The following FBXO5 variants were observed in gnomAD, a reference collection of about 807,000 sequenced individuals.
The protein encoded by FBXO5 is F-box only protein 5.
In FBXO5, 8 loss-of-function variants were observed where a neutral mutation model predicts 43.3. The observed-to-expected ratio is 0.18, with a 90% confidence interval of 0.11 to 0.33. FBXO5 has a LOEUF of 0.33. FBXO5 is among the 10% of genes least tolerant of loss of function. The pLI, the probability that FBXO5 is intolerant of heterozygous loss-of-function variation, is 1.00. For synonymous variants in FBXO5, 204 were observed against 193.7 expected (o/e 1.05, Z -0.44); for missense variants, 491 against 535.7 (o/e 0.92, Z 0.82).
At position 152,972,296 on chromosome 6, in the gene FBXO5, A is replaced by G. The variant is rs536160701; in HGVS notation, c.1068T>C (p.Tyr356=). The G allele has an allele frequency of 8.1e-6, 13 of 1,611,386 alleles. No individual in the cohort carries two copies. Among genetic ancestry groups the G allele is most frequent in the South Asian group, 5.5e-5 (5 of 90,658 alleles). Residue 356 remains tyrosine, a synonymous_variant, in exon 4 of 5, where the codon TAT becomes TAC. Transcript: ENST00000229758. ...CCTCAGAGAATTCATTGTGTCGACTATAAGTAGAACCTTTCTGATCACCTT... is the reference window on the plus strand; with the variant it reads ...CCTCAGAGAATTCATTGTGTCGACTGTAAGTAGAACCTTTCTGATCACCTT... ...SNQGDQKGST[Y]SRHNEFSEVA...
At chr6:152,983,164 C>T (rs1178855975), upstream of FBXO5, 5 of 399,790 alleles carry the variant, frequency 1.3e-5, no homozygotes, top group African/African-American at 8.3e-5. Flanking sequence ...TGGGGGCGCC[C>T]TCGTCCGCGC....
intron 3 of FBXO5, 70 bp downstream of exon 3, chr6:152,972,974 CTT>C: frequency 1.6e-6 from 2 of 1,256,308 alleles, no homozygotes. Context: ...CAGATTACCT[CTT>C]TTCTTTTCTA....
Position 152,971,114 on chromosome 6 carries a change from C to G in FBXO5, c.*49G>C. On this transcript the variant is annotated 3_prime_UTR_variant, in exon 5 of 5. Coordinates refer to ENST00000229758, the MANE Select transcript of FBXO5 (RefSeq NM_012177.5). ...CAATTTTTTTTAAGTTAAAACCTAA[C>G]ATTTTCTAACTAACATTCATGATCA... is the stretch of plus-strand genomic sequence containing the variant. 2.0e-6 allele frequency: 3 copies of G among 1,520,004 alleles called. No homozygotes were observed. The highest frequency in any genetic ancestry group is 1.8e-6 in the Non-Finnish European group (2 of 1,133,162). The allele number at this position is 1,520,004 out of a possible 1,614,324, so 94.2% of individuals were successfully genotyped here.
In FBXO5 at chr6:152,975,243, T is replaced by A; in HGVS notation, c.482A>T (p.Glu161Val). The A allele has an allele frequency of 6.2e-7, 1 of 1,614,124 alleles. No homozygotes were observed. The highest frequency in any genetic ancestry group is 8.5e-7 in the Non-Finnish European group (1 of 1,180,006). ...SLQSGLSEHE[E>V]GSLLEENFGD... ...GAAATTCTCCTCCAGGAGGCTACCT[T>A]CTTCATGTTCACTGAGGCCACTTTG... Residue 161 changes from glutamate (E) to valine (V), a missense_variant, in exon 2 of 5, where the codon GAA becomes GTA. Glu to Val is a moderately radical substitution (Grantham distance 121, BLOSUM62 -2). Coordinates refer to ENST00000229758, the MANE Select transcript of FBXO5 (RefSeq NM_012177.5).
intron 1 of FBXO5, among the ~76,000 whole-genome samples, chr6:152,979,094 T>C (rs1320504893): frequency 2.0e-5 from 3 of 152,240 alleles, no homozygotes; most frequent in African/African-American, 7.2e-5. Context: ...AGAATTCCTG[T>C]ACACCCATTG....
intron 2 of FBXO5, among the ~76,000 whole-genome samples, chr6:152,974,302 A>C (rs1337484450): frequency 6.6e-6 from 1 of 152,192 alleles, no homozygotes; most frequent in Non-Finnish European, 1.5e-5. Flanking sequence ...ATGGCTTAGA[A>C]AGAACAAAAA....
chr6:152,975,696 CAA>C (rs1274854963), intron 1 of FBXO5, 75 bp from the exon 2 acceptor site: 1 of 913,332 alleles, frequency 1.1e-6, no homozygotes, highest in African/African-American at 1.7e-5. Context: ...TTGGGATATA[CAA>C]AGATTACTTT....
chr6:152,979,615 T>C (rs1778231207), intron 1 of FBXO5, among the ~76,000 whole-genome samples: 2 of 152,234 alleles, frequency 1.3e-5, no homozygotes, highest in Non-Finnish European at 2.9e-5. Flanking sequence ...AATTCTTCTT[T>C]ACAGCAGATT....
chr6:152,979,190 G>A (rs1318966365), intron 1 of FBXO5, among the ~76,000 whole-genome samples: 1 of 152,120 alleles, frequency 6.6e-6, no homozygotes, highest in Non-Finnish European at 1.5e-5. Flanking sequence ...TATTTTATGT[G>A]GACTGCTGTA....
intron 3 of FBXO5, chr6:152,972,823 TTTCCCTTTG>T: frequency 2.0e-6 from 1 of 501,268 alleles, no homozygotes; most frequent in Non-Finnish European, 3.5e-6. Context: ...AATGAGTAAT[TTTCCCTTTG>T]TTACTTTAGA....
upstream of FBXO5, chr6:152,983,340 C>A (rs576384695): frequency 3.0e-4 from 58 of 194,990 alleles, no homozygotes; most frequent in Admixed American, 1.0e-3. Flanking sequence ...CATGCGTGCG[C>A]CCGCCAAGAT....
In FBXO5 at chr6:152,973,156, T is replaced by A. The variant is rs548499325; in HGVS notation, c.819-20A>T. 2 of 1,577,674 alleles carry A rather than the reference T, an allele frequency of 1.3e-6. No individual in the cohort carries two copies. Among genetic ancestry groups the A allele is most frequent in the African/African-American group, 1.3e-5 (1 of 74,326 alleles). On this transcript the variant is annotated intron_variant, in intron 2 of 4. Coordinates refer to ENST00000229758, the MANE Select transcript of FBXO5 (RefSeq NM_012177.5). ...GACACACTGGAAAAGTAAATCACCATAAATGAAATAATTAAAGCATCACAA... is the reference window on the plus strand; with the variant it reads ...GACACACTGGAAAAGTAAATCACCAAAAATGAAATAATTAAAGCATCACAA...
intron 1 of FBXO5, among the ~76,000 whole-genome samples, chr6:152,977,708 A>C (rs1452342796): frequency 1.3e-5 from 2 of 152,186 alleles, no homozygotes; most frequent in Admixed American, 6.5e-5. Context: ...ATATGACCAC[A>C]ATTTACATGA....
In FBXO5 at chr6:152,983,038, G is replaced by T; in HGVS notation, c.-79C>A. On this transcript the variant is annotated 5_prime_UTR_variant, in exon 1 of 5. Coordinates refer to ENST00000229758, the MANE Select transcript of FBXO5 (RefSeq NM_012177.5). ...AGCAACCTGCCTGCTTCACAGACCT[G>T]TATCTCTTAAAAGGCGCCAGCTGGT... The T allele has an allele frequency of 1.2e-6, 1 of 844,312 alleles. No homozygotes were observed. Among genetic ancestry groups the T allele is most frequent in the Non-Finnish European group, 1.7e-6 (1 of 601,970 alleles). 52.3% of individuals were successfully genotyped at this position (844,312 alleles called of 1,614,324 possible). A position where few individuals can be genotyped will look rare whatever the true frequency, so the allele number is the denominator to read the frequency against.
At chr6:152,982,411 G>C (rs1197581493) in intron 1 of FBXO5, among the ~76,000 whole-genome samples, 6 of 152,130 alleles carry the variant, frequency 3.9e-5, no homozygotes, top group African/African-American at 1.4e-4. Flanking sequence ...AGGGGCGCAG[G>C]GGGAGAAGGT....
intron 1 of FBXO5, among the ~76,000 whole-genome samples, chr6:152,978,739 A>G (rs989411140): frequency 1.6e-4 from 25 of 152,060 alleles, no homozygotes; most frequent in Admixed American, 1.6e-3. Context: ...TATAATCCCA[A>G]CACTTTGGGA....
At chr6:152,974,469 G>A (rs1302539724) in intron 2 of FBXO5, among the ~76,000 whole-genome samples, 1 of 152,124 alleles carries the variant, frequency 6.6e-6, no homozygotes, top group East Asian at 1.9e-4. Flanking sequence ...AAATAGTTTT[G>A]TAATAGCATG....
At chr6:152,974,527 T>C (rs1412735516) in intron 2 of FBXO5, among the ~76,000 whole-genome samples, 2 of 152,242 alleles carry the variant, frequency 1.3e-5, no homozygotes, top group Non-Finnish European at 2.9e-5. Context: ...TCAAGTTTTC[T>C]TTCATCTTAG....
chr6:152,978,376 T>TGGGGGGGG lies in FBXO5; in HGVS notation c.104-2756_104-2755insCCCCCCCC, dbSNP rs1234180495. Among the ~76,000 whole-genome samples the TGGGGGGGG allele has an allele frequency of 1.4e-3, 8 of 5,706 alleles. 2 individuals carry two copies. The highest frequency in any genetic ancestry group is 1.8e-3 in the Non-Finnish European group (5 of 2,766). 3.7% of individuals were successfully genotyped at this position (5,706 alleles called of 152,430 possible). A position where few individuals can be genotyped will look rare whatever the true frequency, so the allele number is the denominator to read the frequency against. ...CATTAATCATGGAGAGCTTCATTTTTTGGGGGGGGGGGGGGGGCGGGGGAC... is the reference window on the plus strand; with the variant it reads ...CATTAATCATGGAGAGCTTCATTTTTGGGGGGGGTGGGGGGGGGGGGGGGGCGGGGGAC... On this transcript the variant is annotated intron_variant, in intron 1 of 4. Coordinates refer to ENST00000229758, the MANE Select transcript of FBXO5 (RefSeq NM_012177.5).
Sources: allele counts gnomAD v4.1 joint callset (sites outside exome capture counted in the v4.1 genomes callset), GRCh38; gene constraint gnomAD v4.1.1; transcripts MANE v1.5; gene names NCBI Gene and HGNC (gene_info 2026-07-23, HGNC 2026-07-21).